Variants in EEFSEC observed in about 807,000 individuals in gnomAD.
EEFSEC encodes selenocysteine-specific elongation factor.
EEFSEC carries 43 observed loss-of-function variants against 42.1 expected under a neutral mutation model. That is an observed-to-expected ratio of 1.02 (90% CI 0.80 to 1.32). The LOEUF (loss-of-function observed/expected upper bound fraction) is 1.32, where lower values mean the gene tolerates loss of function less well. Ranked by LOEUF, EEFSEC falls within the 40% of genes most tolerant of loss-of-function variation. The pLI is 0.00. For synonymous variants in EEFSEC, 354 were observed against 339.1 expected (o/e 1.04, Z -0.48); for missense variants, 745 against 803.6 (o/e 0.93, Z 0.88).
chr3:128,296,579 C>T (rs1458871184), intron 4 of EEFSEC, among the ~76,000 whole-genome samples: 3 of 152,194 alleles, frequency 2.0e-5, no homozygotes, highest in African/African-American at 7.2e-5. Flanking sequence ...GCCTGTGTCT[C>T]CTCGTCATCC....
At chr3:128,232,843 C>T (rs2107869354) in intron 1 of EEFSEC, among the ~76,000 whole-genome samples, 1 of 152,296 alleles carries the variant, frequency 6.6e-6, no homozygotes, top group Non-Finnish European at 1.5e-5. Flanking sequence ...CTACAGAGCC[C>T]TCATGTCTGC....
intron 4 of EEFSEC, among the ~76,000 whole-genome samples, chr3:128,293,675 A>ACAAC (rs1559906625): frequency 1.2e-4 from 18 of 150,126 alleles, no homozygotes; most frequent in South Asian, 6.4e-4. Flanking sequence ...AAAAAAAAAA[A>ACAAC]AAAAAAAAAA....
chr3:128,157,470 G>A (rs1944401738), intron 1 of EEFSEC, among the ~76,000 whole-genome samples: 1 of 152,230 alleles, frequency 6.6e-6, no homozygotes, highest in African/African-American at 2.4e-5. Flanking sequence ...CTACAGAGAA[G>A]TCAATGACTG....
At chr3:128,301,587 T>G (rs942647280) in intron 4 of EEFSEC, among the ~76,000 whole-genome samples, 1 of 152,176 alleles carries the variant, frequency 6.6e-6, no homozygotes, top group East Asian at 1.9e-4. Context: ...CTGCTAAACG[T>G]ACTCTCAGAG....
chr3:128,205,843 G>A (rs2107824163), intron 1 of EEFSEC, among the ~76,000 whole-genome samples: 1 of 152,284 alleles, frequency 6.6e-6, no homozygotes, highest in Non-Finnish European at 1.5e-5. Flanking sequence ...AGGAGGCCCT[G>A]GCCTGCTAAG....
At chr3:128,155,352 C>A (rs1576502469) in intron 1 of EEFSEC, among the ~76,000 whole-genome samples, 1 of 152,116 alleles carries the variant, frequency 6.6e-6, no homozygotes, top group East Asian at 1.9e-4. Context: ...ACCTCGTGAT[C>A]CCCATGCCTC....
At chr3:128,403,342 G>A (rs1253457696) in intron 6 of EEFSEC, among the ~76,000 whole-genome samples, 2 of 152,190 alleles carry the variant, frequency 1.3e-5, no homozygotes, top group Admixed American at 6.5e-5. Context: ...TGAGCCAGGG[G>A]CAAGCAGAGG....
chr3:128,189,672 C>G (rs914256977), intron 1 of EEFSEC, among the ~76,000 whole-genome samples: 3 of 151,966 alleles, frequency 2.0e-5, no homozygotes, highest in Non-Finnish European at 4.4e-5. Flanking sequence ...ATCCTCCCAC[C>G]TCAGCCTCCT....
At chr3:128,229,214 A>G (rs539284279) in intron 1 of EEFSEC, among the ~76,000 whole-genome samples, 1 of 152,306 alleles carries the variant, frequency 6.6e-6, no homozygotes, top group Non-Finnish European at 1.5e-5. Context: ...TGGCTATGAT[A>G]CTAGGTGTGG....
intron 4 of EEFSEC, among the ~76,000 whole-genome samples, chr3:128,284,071 A>T (rs1429051504): frequency 1.3e-5 from 2 of 152,182 alleles, no homozygotes. Context: ...ACACCATGGC[A>T]TGAGCCTTGG....
At chr3:128,411,279 G>C (rs1294305542), downstream of EEFSEC, among the ~76,000 whole-genome samples, 1 of 152,230 alleles carries the variant, frequency 6.6e-6, no homozygotes, top group African/African-American at 2.4e-5. Flanking sequence ...TTATGTAGGA[G>C]AGGGTTCCAG....
chr3:128,166,863 C>T (rs922690821), intron 1 of EEFSEC, among the ~76,000 whole-genome samples: 5 of 152,072 alleles, frequency 3.3e-5, no homozygotes, highest in East Asian at 1.9e-4. Flanking sequence ...AGTTCCTGGC[C>T]GGATGAGTAC....
Position 128,254,854 on chromosome 3 carries a change from T to C in EEFSEC, c.525-7274T>C, listed in dbSNP as rs535671235. Among the ~76,000 whole-genome samples the C allele has an allele frequency of 3.3e-5, 5 of 152,156 alleles. No individual in the cohort carries two copies. In the South Asian group the frequency reaches 1.0e-3, roughly 32 times the overall value. On this transcript the variant is annotated intron_variant, in intron 2 of 6. Transcript: ENST00000254730. ...ACAGCTGTGGTCTGTGCATGCACTTTGGAGAGCAGTTGGGAGGCCTGGGGT... is the reference window on the plus strand; with the variant it reads ...ACAGCTGTGGTCTGTGCATGCACTTCGGAGAGCAGTTGGGAGGCCTGGGGT...
chr3:128,357,645 C>T (rs986288419), intron 5 of EEFSEC, among the ~76,000 whole-genome samples: 1 of 152,138 alleles, frequency 6.6e-6, no homozygotes, highest in Non-Finnish European at 1.5e-5. Flanking sequence ...AAAGGCCAGG[C>T]TCTCGGGCTC....
At chr3:128,227,861 C>A (rs1460364798) in intron 1 of EEFSEC, among the ~76,000 whole-genome samples, 1 of 152,352 alleles carries the variant, frequency 6.6e-6, no homozygotes, top group African/African-American at 2.4e-5. Flanking sequence ...CAAGTGGATG[C>A]AGTCCTTGCA....
downstream of EEFSEC, among the ~76,000 whole-genome samples, chr3:128,411,844 C>T (rs1000317908): frequency 3.9e-5 from 6 of 152,352 alleles, no homozygotes; most frequent in African/African-American, 1.2e-4. Context: ...TCCGTGCTCC[C>T]AGGCCTCCTG....
At chr3:128,225,341 C>A (rs1464493104) in intron 1 of EEFSEC, among the ~76,000 whole-genome samples, 2 of 152,206 alleles carry the variant, frequency 1.3e-5, no homozygotes, top group Admixed American at 1.3e-4. Context: ...TAAGGAGGTG[C>A]TTCTGGTACA....
At chr3:128,229,594 G>A (rs966149141) in intron 1 of EEFSEC, among the ~76,000 whole-genome samples, 8 of 152,204 alleles carry the variant, frequency 5.3e-5, no homozygotes, top group African/African-American at 1.9e-4. Context: ...CTGTTTCTTC[G>A]AACTTTCCTT....
intron 6 of EEFSEC, among the ~76,000 whole-genome samples, chr3:128,362,834 C>G (rs1274645943): frequency 6.6e-6 from 1 of 152,182 alleles, no homozygotes; most frequent in Non-Finnish European, 1.5e-5. Flanking sequence ...GCCGGGAGCT[C>G]AAAAGGGTAC....
Sources: allele counts gnomAD v4.1 joint callset (sites outside exome capture counted in the v4.1 genomes callset), GRCh38; gene constraint gnomAD v4.1.1; transcripts MANE v1.5; gene names NCBI Gene and HGNC (gene_info 2026-07-23, HGNC 2026-07-21).